Variants in PDE1A observed in about 807,000 individuals in gnomAD.
PDE1A encodes dual specificity calcium/calmodulin-dependent 3',5'-cyclic nucleotide phosphodiesterase 1A.
PDE1A carries 35 observed loss-of-function variants against 61.7 expected under a neutral mutation model. That is an observed-to-expected ratio of 0.57 (90% confidence interval 0.43 to 0.75). The LOEUF (loss-of-function observed/expected upper bound fraction) is 0.75. Ranked by LOEUF, PDE1A falls within the 30% of genes least tolerant of loss-of-function variation. The pLI, the probability that PDE1A is intolerant of heterozygous loss-of-function variation, is 0.00. For synonymous variants in PDE1A, 232 were observed against 213.2 expected (o/e 1.09, Z -0.77); for missense variants, 597 against 630.6 (o/e 0.95, Z 0.57).
chr2:182,528,245 T>A, the PDE1A span, among the ~76,000 whole-genome samples: 1 of 152,302 alleles, frequency 6.6e-6, no homozygotes, highest in South Asian at 2.1e-4. Context: ...AAATCCAGGC[T>A]GAGGTGGTCT....
chr2:182,553,886 G>A, the PDE1A span, among the ~76,000 whole-genome samples: 1 of 152,330 alleles, frequency 6.6e-6, no homozygotes, highest in Middle Eastern at 3.4e-3. Flanking sequence ...ATCCCCGTAT[G>A]TCTGGAATGG....
chr2:182,417,107 G>A lies in PDE1A; in HGVS notation c.53+9471C>T, dbSNP rs373668013. 3.0e-4 allele frequency among the ~76,000 whole-genome samples: 46 copies of A among 152,264 alleles called. No individual in the cohort carries two copies. The East Asian group carries it at 6.2e-3, about 20-fold the overall frequency. On this transcript the variant is annotated intron_variant, in intron 1 of 13. Coordinates refer to ENST00000351439, the Ensembl canonical transcript of PDE1A. ...ACCAAACTGAGCCACGCATCCCTTC[G>A]CATGCAGATGCTCAGCACTTGGCTG...
intron 1 of PDE1A, among the ~76,000 whole-genome samples, chr2:182,268,933 C>G (rs939836898): frequency 1.3e-5 from 2 of 151,778 alleles, no homozygotes; most frequent in African/African-American, 4.8e-5. Flanking sequence ...GGTCTCTCAG[C>G]AAATAAAAAA....
intron 1 of PDE1A, among the ~76,000 whole-genome samples, chr2:182,412,058 GAAAAAA>G (rs59999610): frequency 7.6e-6 from 1 of 131,856 alleles, no homozygotes; most frequent in African/African-American, 2.8e-5. Context: ...ACTCCATCTC[GAAAAAA>G]AAAAAAAAAA....
chr2:182,481,773 C>T lies in PDE1A; in HGVS notation c.101+40503G>A, dbSNP rs111626230. Among the ~76,000 whole-genome samples the T allele has an allele frequency of 4.6e-3, 703 of 151,964 alleles. 4 individuals are homozygous for T. The highest frequency in any genetic ancestry group is 0.016 in the African/African-American group (677 of 41,492). ...GTCTCTTTTCTTTTAGATTTTGTCC[C>T]TGCAGAGCAGATGGCACATGGCCCC... On this transcript the variant is annotated intron_variant, in intron 2 of 14. Transcript: ENST00000410103.
At chr2:182,532,975 A>C in the PDE1A span, among the ~76,000 whole-genome samples, 6 of 146,510 alleles carry the variant, frequency 4.1e-5, no homozygotes, top group Non-Finnish European at 7.5e-5. Flanking sequence ...AAAAAAAAAC[A>C]ATGAATTTTG....
chr2:182,180,081 C>T (rs1289035993), intron 13 of PDE1A, among the ~76,000 whole-genome samples: 7 of 152,070 alleles, frequency 4.6e-5, no homozygotes, highest in African/African-American at 7.2e-5. Context: ...TCATCTTCAG[C>T]GTATAAGACT....
At chr2:182,646,391 CA>C in the PDE1A span, among the ~76,000 whole-genome samples, 571 of 107,226 alleles carry the variant, frequency 5.3e-3, 2 homozygotes, top group East Asian at 0.025. Flanking sequence ...GGTGAAGGTT[CA>C]AAAAAAAAAA....
exon 9 of PDE1A, chr2:182,201,693 A>T: frequency 6.3e-7 from 1 of 1,595,064 alleles, no homozygotes; most frequent in South Asian, 1.2e-5. Flanking sequence ...CCTACCCTTC[A>T]GGCTGCTGCA....
intron 1 of PDE1A, among the ~76,000 whole-genome samples, chr2:182,330,030 A>C (rs1697301264): frequency 6.6e-6 from 1 of 152,114 alleles, no homozygotes; most frequent in African/African-American, 2.4e-5. Flanking sequence ...TAGTTGTTGA[A>C]TGAACCTCAA....
chr2:182,323,312 A>G (rs1327885152), intron 1 of PDE1A, among the ~76,000 whole-genome samples: 1 of 152,208 alleles, frequency 6.6e-6, no homozygotes, highest in Admixed American at 6.5e-5. Context: ...AAAACAGACA[A>G]ACAAAAAACT....
the PDE1A span, among the ~76,000 whole-genome samples, chr2:182,607,168 G>A: frequency 6.6e-6 from 1 of 152,150 alleles, no homozygotes; most frequent in Non-Finnish European, 1.5e-5. Context: ...GTCCAGATGT[G>A]GTGATCTGGT....
At chr2:182,321,775 C>T (rs575749226) in intron 1 of PDE1A, among the ~76,000 whole-genome samples, 1 of 152,248 alleles carries the variant, frequency 6.6e-6, no homozygotes, top group African/African-American at 2.4e-5. Flanking sequence ...TTGTACAAAC[C>T]TTCCCATTGC....
intron 1 of PDE1A, among the ~76,000 whole-genome samples, chr2:182,280,860 G>T (rs1693756743): frequency 6.6e-6 from 1 of 151,808 alleles, no homozygotes; most frequent in Non-Finnish European, 1.5e-5. Context: ...TTGGCAAAAT[G>T]ATAGTAATAA....
chr2:182,316,111 G>A (rs921330319), intron 1 of PDE1A, among the ~76,000 whole-genome samples: 8 of 152,162 alleles, frequency 5.3e-5, no homozygotes, highest in Admixed American at 5.2e-4. Flanking sequence ...CTAAGCAGAT[G>A]CATCCAGGAG....
intron 2 of PDE1A, among the ~76,000 whole-genome samples, chr2:182,462,666 G>A (rs1482803083): frequency 6.6e-6 from 1 of 152,036 alleles, no homozygotes; most frequent in Non-Finnish European, 1.5e-5. Context: ...GGAAAAAAAA[G>A]GGTGTAAGCA....
At chr2:182,669,726 C>G in the PDE1A span, among the ~76,000 whole-genome samples, 9 of 152,250 alleles carry the variant, frequency 5.9e-5, no homozygotes, top group African/African-American at 2.2e-4. Flanking sequence ...TCCCACACTT[C>G]TTAACTCTCT....
chr2:182,389,190 C>T (rs1375591015), intron 1 of PDE1A, among the ~76,000 whole-genome samples: 1 of 152,128 alleles, frequency 6.6e-6, no homozygotes, highest in Non-Finnish European at 1.5e-5. Context: ...TGTGTCAATG[C>T]AGTCTTTTTT....
At chr2:182,164,680 T>C (rs1045598771), downstream of PDE1A, among the ~76,000 whole-genome samples, 4 of 152,078 alleles carry the variant, frequency 2.6e-5, no homozygotes, top group African/African-American at 9.7e-5. Context: ...CCAAGAGTGA[T>C]CTGGCTACTG....
Sources: allele counts gnomAD v4.1 joint callset (sites outside exome capture counted in the v4.1 genomes callset), GRCh38; gene constraint gnomAD v4.1.1; transcripts MANE v1.5; gene names NCBI Gene and HGNC (gene_info 2026-07-23, HGNC 2026-07-21).